Variants in ATP9A observed in about 807,000 individuals in gnomAD.
ATP9A encodes the protein probable phospholipid-transporting ATPase IIA.
Under a neutral mutation model 144.1 loss-of-function variants are expected in ATP9A, and 52 were observed. The observed-to-expected ratio is 0.36, with a 90% CI of 0.29 to 0.45. The LOEUF is 0.45. Ranked by LOEUF, ATP9A falls within the 20% of genes least tolerant of loss-of-function variation. ATP9A has a pLI of 1.00. For missense variants in ATP9A, 947 were observed against 1,392.7 expected (o/e 0.68, Z 5.09); for synonymous variants, 582 against 557.4 (o/e 1.04, Z -0.62).
intron 14 of ATP9A, among the ~76,000 whole-genome samples, chr20:51,651,373 T>C (rs1227351422): frequency 9.3e-6 from 1 of 107,638 alleles, no homozygotes; most frequent in Non-Finnish European, 2.0e-5. Flanking sequence ...TATATATATT[T>C]CTTTACATAT....
chr20:51,671,363 A>G, intron 11 of ATP9A, 106 bp from the exon 12 acceptor site: 1 of 1,339,320 alleles, frequency 7.5e-7, no homozygotes. Flanking sequence ...ATCCGGACTC[A>G]CTCCCTGCAG....
At chr20:51,604,731 A>AC (rs2077156454) in intron 27 of ATP9A, 86 bp downstream of exon 27, 5 of 1,257,214 alleles carry the variant, frequency 4.0e-6, no homozygotes, top group Admixed American at 3.5e-5. Context: ...AGCGCTGGGA[A>AC]CCCCCCTTCC....
chr20:51,718,981 A>G (rs1601124825), intron 3 of ATP9A, among the ~76,000 whole-genome samples: 1 of 151,858 alleles, frequency 6.6e-6, no homozygotes, highest in South Asian at 2.1e-4. Context: ...CACAAAAATT[A>G]GCTGGGCGTG....
At position 51,599,548 on chromosome 20, in the gene ATP9A, A is replaced by G. The variant is rs1309882319; in HGVS notation, c.*1663T>C. 2.0e-5 allele frequency: 3 copies of G among 152,250 alleles called. No homozygotes were observed. Among genetic ancestry groups the G allele is most frequent in the African/African-American group, 7.2e-5 (3 of 41,468 alleles). 9.4% of individuals were successfully genotyped at this position (152,250 alleles called of 1,614,324 possible). A position where few individuals can be genotyped will look rare whatever the true frequency, so the allele number is the denominator to read the frequency against. ...AAGTACTGCAAAACTGCAGAATCAT[A>G]AGACAAAATAGATGTGGTGTCAACA... On this transcript the variant is annotated 3_prime_UTR_variant, in exon 28 of 28. Coordinates refer to ENST00000338821, the MANE Select transcript of ATP9A (RefSeq NM_006045.3).
chr20:51,758,003 TG>T (rs1371030769), intron 1 of ATP9A, among the ~76,000 whole-genome samples: 1 of 152,224 alleles, frequency 6.6e-6, no homozygotes, highest in Non-Finnish European at 1.5e-5. Flanking sequence ...CATTTCAGCA[TG>T]GGCCACTAAT....
At chr20:51,755,451 A>T (rs1161119496) in intron 1 of ATP9A, among the ~76,000 whole-genome samples, 2 of 151,804 alleles carry the variant, frequency 1.3e-5, no homozygotes, top group East Asian at 1.9e-4. Context: ...AAAAAAAAAA[A>T]TTTCTTATAA....
At chr20:51,705,238 T>TCTTA (rs2077610323) in intron 4 of ATP9A, among the ~76,000 whole-genome samples, 1 of 152,194 alleles carries the variant, frequency 6.6e-6, no homozygotes, top group Admixed American at 6.5e-5. Flanking sequence ...AAAGGTGCAT[T>TCTTA]CTTAGGTCTT....
At chr20:51,737,912 C>T (rs1456446285) in intron 1 of ATP9A, among the ~76,000 whole-genome samples, 1 of 152,042 alleles carries the variant, frequency 6.6e-6, no homozygotes, top group East Asian at 1.9e-4. Context: ...ATATGCTATA[C>T]TCTATATCCT....
chr20:51,675,862 A>C (rs1489063363), intron 10 of ATP9A, among the ~76,000 whole-genome samples: 16 of 151,154 alleles, frequency 1.1e-4, no homozygotes, highest in Non-Finnish European at 2.2e-4. Context: ...CCTGAGCAAC[A>C]AAGTGAGACC....
rs762576990 is a variant in ATP9A, at chr20:51,656,927, C to T, written c.1506+11G>A. ...GCCTCCCCATGCCTTGCTGCACCTG[C>T]CCAGGTTTACCTCATCGGGGCTGGA... On this transcript the variant is annotated intron_variant, in intron 14 of 27. Coordinates refer to ENST00000338821, the MANE Select transcript of ATP9A (RefSeq NM_006045.3). 10 of 1,611,716 alleles carry T rather than the reference C, an allele frequency of 6.2e-6. No homozygotes were observed. The African/African-American group carries it at 1.1e-4, about 17-fold the overall frequency.
Position 51,641,388 on chromosome 20 carries a change from G to A in ATP9A, c.1507-1884C>T, listed in dbSNP as rs976264886. Among the ~76,000 whole-genome samples, 4 of 151,932 alleles carry A rather than the reference G, an allele frequency of 2.6e-5. No individual in the cohort carries two copies. The East Asian group carries it at 7.7e-4, about 29-fold the overall frequency. On this transcript the variant is annotated intron_variant, in intron 14 of 27. Transcript: ENST00000338821. ...AAAAAATTATTATTAGGGTGGGGTG[G>A]TGCATGTGTGTCGTCTCAGTTACTC... is the stretch of plus-strand genomic sequence containing the variant.
chr20:51,730,446 G>A (rs34194887), intron 1 of ATP9A, among the ~76,000 whole-genome samples: 13,097 of 152,266 alleles, frequency 0.086, 675 homozygotes, highest in African/African-American at 0.14. Flanking sequence ...CCAGCCTGGC[G>A]AAAGACTGAG....
intron 4 of ATP9A, among the ~76,000 whole-genome samples, chr20:51,702,402 G>A (rs930642493): frequency 6.7e-6 from 1 of 150,330 alleles, no homozygotes; most frequent in African/African-American, 2.5e-5. Context: ...GTGTGTGTGT[G>A]TGCATGTAAT....
intron 1 of ATP9A, among the ~76,000 whole-genome samples, chr20:51,733,682 TA>T (rs1555843004): frequency 1.5e-4 from 22 of 150,490 alleles, no homozygotes; most frequent in Non-Finnish European, 2.2e-4. Context: ...CTTTTTTTTT[TA>T]ATTTTTTTTT....
At chr20:51,746,106 T>G (rs2077806916) in intron 1 of ATP9A, among the ~76,000 whole-genome samples, 1 of 152,102 alleles carries the variant, frequency 6.6e-6, no homozygotes, top group Non-Finnish European at 1.5e-5. Context: ...TGTTCTCACT[T>G]ATAAGTAGGA....
At chr20:51,615,506 GTATA>G (rs769773186) in intron 22 of ATP9A, among the ~76,000 whole-genome samples, 146 of 152,188 alleles carry the variant, frequency 9.6e-4, no homozygotes, top group Non-Finnish European at 1.0e-3. Flanking sequence ...TAAGATATTT[GTATA>G]GATAGCAAAT....
intron 18 of ATP9A, among the ~76,000 whole-genome samples, chr20:51,622,669 C>G (rs2077231690): frequency 2.0e-5 from 3 of 152,174 alleles, no homozygotes; most frequent in African/African-American, 7.2e-5. Context: ...TCTTCCGTAT[C>G]GTGCATTAGC....
At position 51,731,986 on chromosome 20, in the gene ATP9A, T is replaced by C. The variant is rs2077743680; in HGVS notation, c.69-2008A>G. Among the ~76,000 whole-genome samples the C allele has an allele frequency of 2.6e-5, 4 of 151,986 alleles. No homozygotes were observed. In the South Asian group the frequency reaches 8.3e-4, roughly 32 times the overall value. On this transcript the variant is annotated intron_variant, in intron 1 of 27. Transcript: ENST00000338821. ...ACAAAGATGATGTCTCAGAGCTCGA[T>C]ATAACCTGGAGAGAAGCCAGCACAC... is the stretch of plus-strand genomic sequence containing the variant.
chr20:51,631,619 T>C (rs1318461116), intron 15 of ATP9A, among the ~76,000 whole-genome samples: 2 of 152,138 alleles, frequency 1.3e-5, no homozygotes, highest in African/African-American at 2.4e-5. Flanking sequence ...GATTACGCCA[T>C]AAATTTACAG....
Sources: allele counts gnomAD v4.1 joint callset (sites outside exome capture counted in the v4.1 genomes callset), GRCh38; gene constraint gnomAD v4.1.1; transcripts MANE v1.5; gene names NCBI Gene and HGNC (gene_info 2026-07-23, HGNC 2026-07-21).